Variants in CCDC125 observed in about 807,000 individuals in gnomAD.
CCDC125 encodes coiled-coil domain containing 125.
A neutral mutation model predicts 57.4 loss-of-function variants in CCDC125; 43 were observed. The ratio of observed to expected loss-of-function variants is 0.75; its 90% CI spans 0.59 to 0.97. CCDC125 has a LOEUF of 0.97. Ranked by LOEUF, CCDC125 falls within the 50% of genes least tolerant of loss-of-function variation. The probability of loss-of-function intolerance (pLI) is 0.00; values close to 1 mark genes in which losing one functional copy is unlikely to be tolerated. For synonymous variants in CCDC125, 187 were observed against 195.2 expected, an observed-to-expected ratio of 0.96 and a Z score of 0.35; for missense variants, 563 against 595.7, an observed-to-expected ratio of 0.95 and a Z score of 0.57.
intron 2 of CCDC125, among the ~76,000 whole-genome samples, chr5:69,315,625 G>A (rs561599648): frequency 1.3e-5 from 2 of 151,458 alleles, no homozygotes; most frequent in Admixed American, 1.3e-4. Flanking sequence ...GGGCATGGTG[G>A]CGGGCGCCTG....
chr5:69,297,563 G>A (rs899000122), intron 8 of CCDC125, among the ~76,000 whole-genome samples: 1 of 151,762 alleles, frequency 6.6e-6, no homozygotes, highest in Non-Finnish European at 1.5e-5. Context: ...TCTCCGTGTT[G>A]GTCAGGCTGG....
At chr5:69,277,250 A>G, downstream of CCDC125, 3 of 574,900 alleles carry the variant, frequency 5.2e-6, no homozygotes, top group Non-Finnish European at 9.0e-6. Context: ...TATTCTACAC[A>G]TGTAAAATAT....
chr5:69,277,295 T>C (rs1016066667), downstream of CCDC125: 1 of 455,992 alleles, frequency 2.2e-6, no homozygotes, highest in Non-Finnish European at 3.8e-6. Flanking sequence ...AAATGTATTT[T>C]AAAATAAAAA....
At chr5:69,285,227 T>C (rs1460667852) in intron 11 of CCDC125, 110 bp downstream of exon 11, 1 of 983,520 alleles carries the variant, frequency 1.0e-6, no homozygotes, top group East Asian at 2.8e-5. Flanking sequence ...AGTTTACGAA[T>C]TTGTGTTGGG....
At chr5:69,297,610 A>G (rs1369701723) in intron 8 of CCDC125, among the ~76,000 whole-genome samples, 1 of 151,504 alleles carries the variant, frequency 6.6e-6, no homozygotes, top group South Asian at 2.1e-4. Flanking sequence ...CACCTGCCTC[A>G]GCCCCCGCAA....
chr5:69,330,924 A>G (rs1189952878), intron 1 of CCDC125, among the ~76,000 whole-genome samples: 8 of 152,080 alleles, frequency 5.3e-5, no homozygotes, highest in Non-Finnish European at 5.9e-5. Flanking sequence ...GTGCAAACCG[A>G]ATGATGTCTC....
chr5:69,326,088 C>T (rs960214929), intron 1 of CCDC125, among the ~76,000 whole-genome samples: 39 of 152,128 alleles, frequency 2.6e-4, no homozygotes, highest in African/African-American at 9.2e-4. Context: ...CCTTCCACCT[C>T]AGCCTCCCAA....
intron 8 of CCDC125, among the ~76,000 whole-genome samples, chr5:69,298,933 C>T (rs1303661487): frequency 6.6e-6 from 1 of 152,160 alleles, no homozygotes; most frequent in East Asian, 1.9e-4. Flanking sequence ...CCTAACCCCG[C>T]AATGCCTCTG....
Position 69,282,971 on chromosome 5 carries a change from A to G in CCDC125, c.1294T>C (p.Leu432=), listed in dbSNP as rs774470362. The change falls in exon 12 of 12, where the codon TTG becomes CTG. Residue 432 remains leucine (L), a synonymous_variant. Coordinates refer to ENST00000396496, the MANE Select transcript of CCDC125 (RefSeq NM_176816.5). ...RKVSYMLARA[L]EDKDTASNEN... The stretch of plus-strand genomic sequence containing the variant: ...TTTGAAGCAGTGTCTTTGTCTTCCA[A>G]TGCCCGAGCAAGCATGTAGCTAACT... 7.4e-6 allele frequency: 12 copies of G among 1,612,730 alleles called. No individual in the cohort carries two copies. The highest frequency in any genetic ancestry group is 1.0e-5 in the Non-Finnish European group (12 of 1,179,734).
At chr5:69,276,723 A>G (rs762181320), downstream of CCDC125, 4 of 1,590,542 alleles carry the variant, frequency 2.5e-6, no homozygotes, top group South Asian at 4.5e-5. Context: ...AAATTAAATG[A>G]ATTTAGAAAA....
chr5:69,318,615 T>C (rs1433803651), intron 2 of CCDC125, among the ~76,000 whole-genome samples: 13 of 147,670 alleles, frequency 8.8e-5, no homozygotes, highest in African/African-American at 2.5e-4. Context: ...TAGCCAGGCA[T>C]GGGGGCGGGC....
chr5:69,330,430 C>T (rs1265574497), intron 1 of CCDC125, among the ~76,000 whole-genome samples: 1 of 152,144 alleles, frequency 6.6e-6, no homozygotes, highest in Non-Finnish European at 1.5e-5. Context: ...CCTGTCTCTG[C>T]TAAAAATACA....
intron 2 of CCDC125, among the ~76,000 whole-genome samples, chr5:69,316,524 A>C (rs776480099): frequency 1.3e-5 from 2 of 152,102 alleles, no homozygotes; most frequent in Admixed American, 6.6e-5. Flanking sequence ...GAAGGAACGC[A>C]CCCTGCCAAC....
At chr5:69,319,851 T>C (rs142634020) in intron 2 of CCDC125, among the ~76,000 whole-genome samples, 3 of 151,296 alleles carry the variant, frequency 2.0e-5, no homozygotes, top group African/African-American at 7.3e-5. Context: ...CTGGGTGCAG[T>C]GGCTCATGCC....
At chr5:69,289,627 C>T (rs1025787670) in intron 10 of CCDC125, among the ~76,000 whole-genome samples, 1 of 151,976 alleles carries the variant, frequency 6.6e-6, no homozygotes, top group African/African-American at 2.4e-5. Flanking sequence ...TTTGGGAGGC[C>T]GAGGAGGGAG....
At chr5:69,288,537 C>A (rs187572125) in intron 10 of CCDC125, among the ~76,000 whole-genome samples, 1 of 152,294 alleles carries the variant, frequency 6.6e-6, no homozygotes, top group Non-Finnish European at 1.5e-5. Flanking sequence ...TTCCCACGTG[C>A]CTTGCCCTGT....
At chr5:69,297,411 G>T (rs1215064587) in intron 8 of CCDC125, among the ~76,000 whole-genome samples, 2 of 151,924 alleles carry the variant, frequency 1.3e-5, no homozygotes, top group Non-Finnish European at 2.9e-5. Context: ...CCAGGCTAGA[G>T]TGCAATGGCG....
chr5:69,332,332 G>A (rs1761519527), intron 1 of CCDC125, among the ~76,000 whole-genome samples: 1 of 152,142 alleles, frequency 6.6e-6, no homozygotes, highest in South Asian at 2.1e-4. Context: ...ACATGGGTAC[G>A]TGCTATTAAC....
intron 11 of CCDC125, 27 bp from the exon 12 acceptor site, chr5:69,283,061 C>G: frequency 1.3e-6 from 2 of 1,514,240 alleles, no homozygotes; most frequent in Middle Eastern, 1.8e-4. Flanking sequence ...TAAACATGTA[C>G]AAGTTAGTCA....
Sources: gnomAD v4.1 joint callset for allele counts (sites outside exome capture counted in the v4.1 genomes callset) on GRCh38, gnomAD v4.1.1 for gene constraint, MANE v1.5 for transcripts, NCBI Gene and HGNC (gene_info 2026-07-23, HGNC 2026-07-21) for gene names.